Variants in ZNF469 observed in about 807,000 individuals in gnomAD.
The protein encoded by ZNF469 is zinc finger protein 469.
Under a neutral mutation model 1.0 loss-of-function variants are expected in ZNF469, and 1 was observed. The ratio of observed to expected loss-of-function variants is 1.00; its 90% CI spans 0.35 to 4.73. The LOEUF (loss-of-function observed/expected upper bound fraction) is 4.73. ZNF469 is among the 30% of genes most tolerant of loss of function. The pLI, the probability that ZNF469 is intolerant of heterozygous loss-of-function variation, is 0.16. For synonymous variants in ZNF469, 2,703 were observed against 2,363.4 expected (o/e 1.14, Z -4.17); for missense variants, 6,100 against 5,356.3 (o/e 1.14, Z -4.33).
the ZNF469 span, among the ~76,000 whole-genome samples, chr16:88,321,869 G>A: frequency 6.6e-6 from 1 of 152,246 alleles, no homozygotes; most frequent in Non-Finnish European, 1.5e-5. Flanking sequence ...GATGGCCAAG[G>A]CCAGTGCCTC....
chr16:88,321,362 T>C, the ZNF469 span, among the ~76,000 whole-genome samples: 3 of 152,234 alleles, frequency 2.0e-5, no homozygotes, highest in Non-Finnish European at 4.4e-5. Context: ...GGATGCAGTC[T>C]TCAAATTCTG....
At chr16:88,277,253 A>G in the ZNF469 span, among the ~76,000 whole-genome samples, 1 of 150,008 alleles carries the variant, frequency 6.7e-6, no homozygotes, top group Non-Finnish European at 1.5e-5. Context: ...AGTACCGTGT[A>G]GATATCAGTG....
rs1906699517 is a variant in ZNF469 at position 88,437,780 on chromosome 16, T to G, written c.10310T>G (p.Met3437Arg). 2 of 1,549,302 alleles carry G rather than the reference T, an allele frequency of 1.3e-6. No homozygotes were observed. Among genetic ancestry groups the G allele is most frequent in the Non-Finnish European group, 1.7e-6 (2 of 1,146,378 alleles). ...FAKKEQFDRHMNKHLRGGRQP... is the reference protein window; with the variant it reads ...FAKKEQFDRHRNKHLRGGRQP... ...AAGAAGGAGCAGTTCGACCGCCACA[T>G]GAACAAGCACCTCAGGGGGGGGCGG... Residue 3437 changes from methionine to arginine, a missense_variant, in exon 3 of 3, where the codon ATG becomes AGG. Transcript: ENST00000565624.
At chr16:88,297,604 G>T in the ZNF469 span, among the ~76,000 whole-genome samples, 1 of 152,126 alleles carries the variant, frequency 6.6e-6, no homozygotes, top group Admixed American at 6.5e-5. Flanking sequence ...CCGTGGGATG[G>T]GAGTGTGGCA....
chr16:88,300,071 G>C, the ZNF469 span, among the ~76,000 whole-genome samples: 2 of 152,228 alleles, frequency 1.3e-5, no homozygotes, highest in Non-Finnish European at 2.9e-5. Context: ...GAAGGGCCCT[G>C]CTCGGCCTGA....
the ZNF469 span, among the ~76,000 whole-genome samples, chr16:88,109,828 A>C: frequency 6.6e-6 from 1 of 151,598 alleles, no homozygotes; most frequent in African/African-American, 2.4e-5. Context: ...GGAGGTGCTG[A>C]GCGTCTGTGT....
the ZNF469 span, among the ~76,000 whole-genome samples, chr16:88,227,492 GTCCCCGTC>G: frequency 1.4e-5 from 2 of 147,798 alleles, no homozygotes; most frequent in Non-Finnish European, 1.5e-5. Flanking sequence ...GTCTCCCTGT[GTCCCCGTC>G]TCCCCATCTC....
chr16:88,201,055 C>T, the ZNF469 span, among the ~76,000 whole-genome samples: 22 of 152,312 alleles, frequency 1.4e-4, no homozygotes, highest in African/African-American at 5.1e-4. This position sits in a 1 kb window ranked among gnomAD's most constrained non-coding sequence, Gnocchi z 5.0. Context: ...AGGCTGGGCC[C>T]CTCTGTGCCC....
In ZNF469 at chr16:88,428,510, G is replaced by C. The variant is rs865907429; in HGVS notation, c.1040G>C (p.Arg347Pro). 1 of 1,549,778 alleles carries C rather than the reference G, an allele frequency of 6.5e-7. No homozygotes were observed. The highest frequency in any genetic ancestry group is 8.7e-7 in the Non-Finnish European group (1 of 1,146,808). Residue 347 changes from arginine (R) to proline (P), a missense_variant, in exon 3 of 3, where the codon CGC becomes CCC. Transcript: ENST00000565624. ...CYQGQPGGLN[R>P]HSDLSGALSS... ...CAGGGCCAGCCAGGTGGCCTGAACC[G>C]CCACAGCGACCTCAGTGGTGCCCTC... is the stretch of plus-strand genomic sequence containing the variant.
chr16:88,290,003 G>A, the ZNF469 span, among the ~76,000 whole-genome samples: 179 of 152,298 alleles, frequency 1.2e-3, 3 homozygotes, highest in East Asian at 0.031. Flanking sequence ...ACTCTGTCTG[G>A]GCACTACTTG....
chr16:88,130,799 C>A, the ZNF469 span, among the ~76,000 whole-genome samples: 1 of 151,708 alleles, frequency 6.6e-6, no homozygotes, highest in Non-Finnish European at 1.5e-5. Flanking sequence ...GACAGCAATA[C>A]AGATGTTACC....
chr16:88,136,200 C>T, the ZNF469 span, among the ~76,000 whole-genome samples: 1 of 152,202 alleles, frequency 6.6e-6, no homozygotes, highest in Non-Finnish European at 1.5e-5. Flanking sequence ...AGTCAGGTTC[C>T]TCTGCGTGGG....
chr16:88,234,205 G>T, the ZNF469 span, among the ~76,000 whole-genome samples: 1 of 152,222 alleles, frequency 6.6e-6, no homozygotes, highest in Non-Finnish European at 1.5e-5. Flanking sequence ...TGAGATCACT[G>T]CGTTTTTCTA....
chr16:88,249,136 A>G, the ZNF469 span, among the ~76,000 whole-genome samples: 8 of 152,158 alleles, frequency 5.3e-5, no homozygotes, highest in Admixed American at 5.2e-4. Flanking sequence ...CCCATGTCCC[A>G]GGTGCCCCGA....
At chr16:88,165,697 C>T in the ZNF469 span, among the ~76,000 whole-genome samples, 1 of 152,188 alleles carries the variant, frequency 6.6e-6, no homozygotes, top group Non-Finnish European at 1.5e-5. Flanking sequence ...TTTCTTTATG[C>T]TGTGCAAACC....
the ZNF469 span, among the ~76,000 whole-genome samples, chr16:88,274,781 G>A: frequency 1.3e-5 from 2 of 152,202 alleles, no homozygotes; most frequent in African/African-American, 2.4e-5. Flanking sequence ...CTTCATGGAG[G>A]ACTCGCCGTA....
the ZNF469 span, among the ~76,000 whole-genome samples, chr16:88,216,840 T>C: frequency 7.9e-3 from 1,206 of 152,274 alleles, 11 homozygotes; most frequent in Non-Finnish European, 0.014. Flanking sequence ...TTTTTTCCTG[T>C]TGCTTCAGTT....
At chr16:88,166,050 G>A in the ZNF469 span, among the ~76,000 whole-genome samples, 30 of 152,374 alleles carry the variant, frequency 2.0e-4, no homozygotes, top group African/African-American at 4.6e-4. This position sits in a 1 kb window ranked among gnomAD's most constrained non-coding sequence, Gnocchi z 4.5. Flanking sequence ...TGAGGCCCAC[G>A]CCAGTGAGGA....
At chr16:88,319,219 T>G in the ZNF469 span, among the ~76,000 whole-genome samples, 1 of 152,236 alleles carries the variant, frequency 6.6e-6, no homozygotes, top group Admixed American at 6.5e-5. Context: ...ACTGTCCCCC[T>G]TGGCCTCACC....
Sources: gnomAD v4.1 joint callset for allele counts (sites outside exome capture counted in the v4.1 genomes callset) on GRCh38, gnomAD v4.1.1 for gene constraint, Gnocchi (gnomAD v3.1) non-coding constraint, MANE v1.5 for transcripts, NCBI Gene and HGNC (gene_info 2026-07-23, HGNC 2026-07-21) for gene names.